The following PCDHGA5 variants were observed in gnomAD, a reference collection of about 807,000 sequenced individuals.
The protein encoded by PCDHGA5 is protocadherin gamma-A5.
Under a neutral mutation model 56.7 loss-of-function variants are expected in PCDHGA5, and 36 were observed. The ratio of observed to expected loss-of-function variants is 0.64; its 90% confidence interval spans 0.49 to 0.84. The LOEUF (loss-of-function observed/expected upper bound fraction) is 0.84. PCDHGA5 is among the 40% of genes least tolerant of loss of function. The pLI is 0.00. For missense variants in PCDHGA5, 1,305 were observed against 1,201.5 expected, an observed-to-expected ratio of 1.09 and a Z score of -1.27; for synonymous variants, 563 against 520.2, an observed-to-expected ratio of 1.08 and a Z score of -1.12.
Position 141,365,897 on chromosome 5 carries a change from G to A in PCDHGA5, c.1567G>A (p.Glu523Lys), listed in dbSNP as rs1278621705. The A allele has an allele frequency of 3.1e-6, 5 of 1,614,214 alleles. No individual in the cohort carries two copies. Among genetic ancestry groups the A allele is most frequent in the Admixed American group, 3.3e-5 (2 of 60,030 alleles). Residue 523 changes from glutamate to lysine, a missense_variant, in exon 1 of 4, where the codon GAG becomes AAG. By Grantham distance (56) the Glu-to-Lys change is moderately conservative (BLOSUM62 1). Transcript: ENST00000518069. Reference protein sequence around the residue: ...VLYALRSFDYEQLRDLQLWVT... With the variant: ...VLYALRSFDYKQLRDLQLWVT... ...GTATGCTCTGAGATCCTTCGACTAT[G>A]AGCAGTTGAGAGACCTACAGTTGTG...
At chr5:141,380,084 G>C (rs1452303755) in intron 1 of PCDHGA5, among the ~76,000 whole-genome samples, 1 of 151,830 alleles carries the variant, frequency 6.6e-6, no homozygotes, top group Non-Finnish European at 1.5e-5. Flanking sequence ...ACTTTTAGTA[G>C]AGATGGGGTT....
intron 2 of PCDHGA5, among the ~76,000 whole-genome samples, chr5:141,504,078 CCAAA>C (rs1272625151): frequency 6.6e-6 from 1 of 152,078 alleles, no homozygotes; most frequent in South Asian, 2.1e-4. Context: ...CCAGATGGTG[CCAAA>C]CAGTTACCTA....
chr5:141,372,698 C>G, intron 1 of PCDHGA5: 1 of 1,613,986 alleles, frequency 6.2e-7, no homozygotes, highest in Non-Finnish European at 8.5e-7. Flanking sequence ...TTAAATTTCT[C>G]AATATAAAGG....
rs564582881 is a variant in PCDHGA5, at chr5:141,432,735, C to T, written c.2422-62072C>T. ...CAGCCCCCTCTCTCCGCCACTGTCA[C>T]GCTCACCGTGGCCGTGGCCGACAGC... On this transcript the variant is annotated intron_variant, in intron 1 of 3. Coordinates refer to ENST00000518069, the MANE Select transcript of PCDHGA5 (RefSeq NM_018918.3). This position sits in a 1 kb window ranked among gnomAD's most constrained non-coding sequence, Gnocchi z 6.0. 2 of 1,614,094 alleles carry T rather than the reference C, an allele frequency of 1.2e-6. No individual in the cohort carries two copies. The highest frequency in any genetic ancestry group is 1.1e-5 in the South Asian group (1 of 91,086).
intron 1 of PCDHGA5, among the ~76,000 whole-genome samples, chr5:141,447,165 G>T (rs1192617600): frequency 6.6e-6 from 1 of 151,842 alleles, no homozygotes; most frequent in African/African-American, 2.4e-5. Flanking sequence ...TTTAAGCGGG[G>T]TCTTGCTCTT....
chr5:141,463,975 C>T lies in PCDHGA5; in HGVS notation c.2422-30832C>T, dbSNP rs145316182. Among the ~76,000 whole-genome samples the T allele has an allele frequency of 1.3e-3, 204 of 151,992 alleles. 1 individual carries two copies. Among genetic ancestry groups the T allele is most frequent in the African/African-American group, 4.8e-3 (198 of 41,474 alleles). The stretch of plus-strand genomic sequence containing the variant: ...TTTTTAAAATAGCTTCATAAAACTC[C>T]ATTGTAAAAACCAGGTGCAGTGGCT... On this transcript the variant is annotated intron_variant, in intron 1 of 3. Transcript: ENST00000518069.
At position 141,408,970 on chromosome 5, in the gene PCDHGA5, C is replaced by T. The variant is rs755949698; in HGVS notation, c.2421+42219C>T. The stretch of plus-strand genomic sequence containing the variant: ...GAATTAGTCTTAGTGAAAATCTGCC[C>T]CCTGGGTCCCCTGTGTTGCAAGTGA... On this transcript the variant is annotated intron_variant, in intron 1 of 3. Coordinates refer to ENST00000518069, the MANE Select transcript of PCDHGA5 (RefSeq NM_018918.3). 10 of 1,613,770 alleles carry T rather than the reference C, an allele frequency of 6.2e-6. No homozygotes were observed. The South Asian group carries it at 1.1e-4, about 18-fold the overall frequency.
chr5:141,485,797 C>T lies in PCDHGA5; in HGVS notation c.2422-9010C>T. 1 of 1,614,228 alleles carries T rather than the reference C, an allele frequency of 6.2e-7. No homozygotes were observed. Among genetic ancestry groups the T allele is most frequent in the South Asian group, 1.1e-5 (1 of 91,092 alleles). On this transcript the variant is annotated intron_variant, in intron 1 of 3. Coordinates refer to ENST00000518069, the MANE Select transcript of PCDHGA5 (RefSeq NM_018918.3). This position sits in a 1 kb window ranked among gnomAD's most constrained non-coding sequence, Gnocchi z 5.7. ...TGGATCGAGAGAAGCAATCGGACTACCGCCTGGTGCTGACTGCTGTCGATG... is the reference window on the plus strand; with the variant it reads ...TGGATCGAGAGAAGCAATCGGACTATCGCCTGGTGCTGACTGCTGTCGATG...
chr5:141,403,611 C>T lies in PCDHGA5; in HGVS notation c.2421+36860C>T. ...CTCACGGCCTCGGATGGCGGCGAGCCGCGTCGCTCCAGCACAGTGCGCATC... is the reference window on the plus strand; with the variant it reads ...CTCACGGCCTCGGATGGCGGCGAGCTGCGTCGCTCCAGCACAGTGCGCATC... On this transcript the variant is annotated intron_variant, in intron 1 of 3. Transcript: ENST00000518069. 6.2e-7 allele frequency: 1 copy of T among 1,613,860 alleles called. No homozygotes were observed.
At chr5:141,370,410 G>A in intron 1 of PCDHGA5, 1 of 1,565,394 alleles carries the variant, frequency 6.4e-7, no homozygotes. Flanking sequence ...AAATAGCTCC[G>A]GATGGAGGGG....
At chr5:141,415,738 AGGTTTT>A in intron 1 of PCDHGA5, 1 of 538,082 alleles carries the variant, frequency 1.9e-6, no homozygotes, top group South Asian at 3.9e-5. Flanking sequence ...ATGTTTATTA[AGGTTTT>A]TTTTTTTTTT....
rs774774450 is a variant in PCDHGA5, at chr5:141,398,863, G to A, written c.2421+32112G>A. The A allele has an allele frequency of 2.5e-6, 4 of 1,613,868 alleles. No homozygotes were observed. The highest frequency in any genetic ancestry group is 2.7e-5 in the African/African-American group (2 of 74,928). ...TAATCCCCCGGTATTCAACCGAGACGTGTACAGAGTCAGCCTTCGGGAAAA... is the reference window on the plus strand; with the variant it reads ...TAATCCCCCGGTATTCAACCGAGACATGTACAGAGTCAGCCTTCGGGAAAA... On this transcript the variant is annotated intron_variant, in intron 1 of 3. Transcript: ENST00000518069.
intron 1 of PCDHGA5, among the ~76,000 whole-genome samples, chr5:141,482,329 T>C (rs1334833454): frequency 6.6e-6 from 1 of 152,160 alleles, no homozygotes; most frequent in Non-Finnish European, 1.5e-5. Context: ...ATAAAGAGAA[T>C]ATCTACTTTG....
In PCDHGA5 at chr5:141,365,296, G is replaced by T; in HGVS notation, c.966G>T (p.Gln322His). ...TCTACCTCATGGAAGTGGTAGCTCA[G>T]GATGGAGGCGCTCTTGTTGCCAGCG... ...SRFYLMEVVA[Q>H]DGGALVASAK... The change falls in exon 1 of 4, where the codon CAG (glutamine) becomes CAT (histidine). Residue 322 changes from glutamine to histidine, a missense_variant. Transcript: ENST00000518069. 6.2e-7 allele frequency: 1 copy of T among 1,614,002 alleles called. No individual in the cohort carries two copies. Among genetic ancestry groups the T allele is most frequent in the Non-Finnish European group, 8.5e-7 (1 of 1,179,894 alleles).
chr5:141,421,446 A>G, intron 1 of PCDHGA5: 1 of 1,614,106 alleles, frequency 6.2e-7, no homozygotes, highest in Non-Finnish European at 8.5e-7. Flanking sequence ...GAGGGAAGAC[A>G]CAGCTTTTCG....
chr5:141,414,644 A>C lies in PCDHGA5; in HGVS notation c.2421+47893A>C, dbSNP rs1310121141. 6.2e-7 allele frequency: 1 copy of C among 1,613,982 alleles called. No individual in the cohort carries two copies. Among genetic ancestry groups the C allele is most frequent in the Non-Finnish European group, 8.5e-7 (1 of 1,179,894 alleles). ...GACCCGGACAGCAAAGAGAATGCCC[A>C]GATTATTTACTCCCTGGCTGAAGAC... On this transcript the variant is annotated intron_variant, in intron 1 of 3. Transcript: ENST00000518069.
chr5:141,369,898 C>A (rs1410359575), intron 1 of PCDHGA5, among the ~76,000 whole-genome samples: 1 of 152,106 alleles, frequency 6.6e-6, no homozygotes, highest in Non-Finnish European at 1.5e-5. Flanking sequence ...TTATTATGAC[C>A]ATTTTATGAA....
chr5:141,394,891 TCGTGGTGGCAGTGG>T (rs1346277751), intron 1 of PCDHGA5: 11 of 1,613,892 alleles, frequency 6.8e-6, no homozygotes, highest in Non-Finnish European at 9.3e-6. Flanking sequence ...ACACTCTATC[TCGTGGTGGCAGTGG>T]CTGCCATCTC....
At chr5:141,408,889 A>T in intron 1 of PCDHGA5, 3 of 1,613,232 alleles carry the variant, frequency 1.9e-6, no homozygotes, top group Non-Finnish European at 2.5e-6. Flanking sequence ...CTCACATAGA[A>T]ATTTCTGTCA....
Sources: allele counts gnomAD v4.1 joint callset (sites outside exome capture counted in the v4.1 genomes callset), GRCh38; gene constraint gnomAD v4.1.1; non-coding constraint Gnocchi (gnomAD v3.1); transcripts MANE v1.5; gene names NCBI Gene and HGNC (gene_info 2026-07-23, HGNC 2026-07-21).